The following EP400 variants were observed in gnomAD, a reference collection of about 807,000 sequenced individuals.
EP400 encodes the protein E1A-binding protein p400.
In EP400, 105 loss-of-function variants were observed where a neutral mutation model predicts 354.1. The ratio of observed to expected loss-of-function variants is 0.30; its 90% CI spans 0.25 to 0.35. The LOEUF is 0.35. EP400 is among the 10% of genes least tolerant of loss of function. The pLI, the probability that EP400 is intolerant of heterozygous loss-of-function variation, is 1.00. For missense variants in EP400, 3,280 were observed against 4,121.0 expected (o/e 0.80, Z 5.59); for synonymous variants, 1,646 against 1,716.9 (o/e 0.96, Z 1.02).
In EP400 at chr12:132,064,994, G is replaced by A. The variant is rs923575416; in HGVS notation, c.8553+108G>A. 19 of 1,473,468 alleles carry A rather than the reference G, an allele frequency of 1.3e-5. No individual in the cohort carries two copies. In the African/African-American group the frequency reaches 2.4e-4, roughly 19 times the overall value. The allele number at this position is 1,473,468 out of a possible 1,614,324, so 91.3% of individuals were successfully genotyped here. Reference sequence around the variant, plus strand: ...TCACGTGTTACAGGAGTGAGTGTGAGACGGGTTCTTTTCCCCGAGAACTTA... The same window carrying A: ...TCACGTGTTACAGGAGTGAGTGTGAAACGGGTTCTTTTCCCCGAGAACTTA... On this transcript the variant is annotated intron_variant, in intron 48 of 52. Transcript: ENST00000389561.
At chr12:132,012,332 G>A (rs966560863) in intron 16 of EP400, among the ~76,000 whole-genome samples, 2 of 152,230 alleles carry the variant, frequency 1.3e-5, no homozygotes, top group South Asian at 4.1e-4. Context: ...TGAAGTCCAA[G>A]ATCCAGATGC....
Position 132,017,455 on chromosome 12 carries a change from G to C in EP400, c.3924-80G>C, listed in dbSNP as rs1210327549. 1 of 1,479,102 alleles carries C rather than the reference G, an allele frequency of 6.8e-7. No individual in the cohort carries two copies. Among genetic ancestry groups the C allele is most frequent in the East Asian group, 2.3e-5 (1 of 42,722 alleles). The allele number at this position is 1,479,102 out of a possible 1,614,324, so 91.6% of individuals were successfully genotyped here. A position where few individuals can be genotyped will look rare whatever the true frequency, so the allele number is the denominator to read the frequency against. On this transcript the variant is annotated intron_variant, in intron 19 of 52. Coordinates refer to ENST00000389561, the MANE Select transcript of EP400 (RefSeq NM_015409.5). This position sits in a 1 kb window ranked among gnomAD's most constrained non-coding sequence, Gnocchi z 5.0. ...TGCTCCTGCCTGCCTTTCTGGAGTT[G>C]GGACAGTCGATGGTGAGGGTGGGAC...
intron 15 of EP400, among the ~76,000 whole-genome samples, chr12:132,009,733 C>T (rs1275934939): frequency 2.6e-5 from 4 of 152,052 alleles, no homozygotes; most frequent in South Asian, 2.1e-4. Context: ...GATCATGGCT[C>T]ACTGCAGCCT....
At position 131,962,232 on chromosome 12, in the gene EP400, A is replaced by G. The variant is rs563173507; in HGVS notation, c.1335+278A>G. Among the ~76,000 whole-genome samples the G allele has an allele frequency of 4.6e-5, 7 of 152,312 alleles. No individual in the cohort carries two copies. In the South Asian group the frequency reaches 1.5e-3, roughly 32 times the overall value. On this transcript the variant is annotated intron_variant, in intron 2 of 52. Coordinates refer to ENST00000389561, the MANE Select transcript of EP400 (RefSeq NM_015409.5). ...CACCCAGTGTTTTCATTGAGCACCA[A>G]GGATTCATCTCAGGTTCAGAGAACT...
At chr12:131,971,424 A>G (rs563107789) in intron 2 of EP400, among the ~76,000 whole-genome samples, 4 of 152,302 alleles carry the variant, frequency 2.6e-5, no homozygotes, top group Admixed American at 1.3e-4. Context: ...GCTGTTGTGA[A>G]CAGTGCTGCA....
At position 132,067,199 on chromosome 12, in the gene EP400, G is replaced by A; in HGVS notation, c.8750-163G>A. 1 of 1,220,304 alleles carries A rather than the reference G, an allele frequency of 8.2e-7. No individual in the cohort carries two copies. The highest frequency in any genetic ancestry group is 1.1e-6 in the Non-Finnish European group (1 of 879,154). The allele number at this position is 1,220,304 out of a possible 1,614,324, so 75.6% of individuals were successfully genotyped here. Reference sequence around the variant, plus strand: ...CCGTCTTAATTTAAGTGTAATTTGTGAACCCAGAAACATTTTAATGTAGTT... The same window carrying A: ...CCGTCTTAATTTAAGTGTAATTTGTAAACCCAGAAACATTTTAATGTAGTT... On this transcript the variant is annotated intron_variant, in intron 49 of 52. Transcript: ENST00000389561. The surrounding 1 kb of genome is among the most constrained non-coding windows in gnomAD (Gnocchi z 5.3).
intron 15 of EP400, among the ~76,000 whole-genome samples, chr12:132,007,523 C>T (rs1350048565): frequency 6.6e-6 from 1 of 152,014 alleles, no homozygotes; most frequent in Non-Finnish European, 1.5e-5. Flanking sequence ...TTGTTCACTC[C>T]CCTTCCTCTC....
At position 131,961,929 on chromosome 12, in the gene EP400, A is replaced by G. The variant is rs770990188; in HGVS notation, c.1310A>G (p.Glu437Gly). ...EEEEEEEEEEEKSEVINDEQQ... is the reference protein window; with the variant it reads ...EEEEEEEEEEGKSEVINDEQQ... ...GAGGAGGAGGAGGAAGAGGAGGAAG[A>G]AAAATCTGAGGTTATCAATGACGAG... is the stretch of plus-strand genomic sequence containing the variant. The change falls in exon 2 of 53, where the codon GAA becomes GGA. Residue 437 changes from glutamate (E) to glycine (G), a missense_variant. This residue lies in a region of EP400 where 800 missense variants were observed against 840.0 expected (regional missense o/e 0.95). Transcript: ENST00000389561. 1 of 1,613,032 alleles carries G rather than the reference A, an allele frequency of 6.2e-7. No individual in the cohort carries two copies. The highest frequency in any genetic ancestry group is 2.2e-5 in the East Asian group (1 of 44,876).
rs544876282 is a variant in EP400, at chr12:132,059,497, G to A, written c.7885-2613G>A. Among the ~76,000 whole-genome samples the A allele has an allele frequency of 5.1e-4, 77 of 152,346 alleles. No individual in the cohort carries two copies. The South Asian group carries it at 0.015, about 30-fold the overall frequency. On this transcript the variant is annotated intron_variant, in intron 45 of 52. Transcript: ENST00000389561. Reference sequence around the variant, plus strand: ...GCTTCAGTGGGCATGTTCCTGGGCAGCTGACCTGGAGCAAATGCAGATTCT... The same window carrying A: ...GCTTCAGTGGGCATGTTCCTGGGCAACTGACCTGGAGCAAATGCAGATTCT...
At position 132,062,296 on chromosome 12, in the gene EP400, C is replaced by G; in HGVS notation, c.8071C>G (p.Arg2691Gly). 6.2e-7 allele frequency: 1 copy of G among 1,614,196 alleles called. No homozygotes were observed. Among genetic ancestry groups the G allele is most frequent in the Non-Finnish European group, 8.5e-7 (1 of 1,180,032 alleles). ...TNLTPVQTPA[R>G]SLVPQVSQAT... ...CCTGACCCCAGTGCAGACCCCGGCA[C>G]GGTCTTTGGTGCCCCAAGTGTCCCA... Residue 2691 changes from arginine (R) to glycine (G), a missense_variant, in exon 46 of 53, where the codon CGG becomes GGG. Arg to Gly is a moderately radical substitution (Grantham distance 125, BLOSUM62 -2). Around this residue, in one of 20 missense-constraint regions of EP400, gnomAD observed 255 missense variants for 295.9 expected, o/e 0.86. Transcript: ENST00000389561.
chr12:132,000,478 T>A (rs939813752), intron 12 of EP400, among the ~76,000 whole-genome samples: 5 of 152,232 alleles, frequency 3.3e-5, no homozygotes, highest in African/African-American at 1.2e-4. Flanking sequence ...AGGTAGAACT[T>A]GTTGATTGCA....
In EP400 at chr12:132,055,103, C is replaced by T. The variant is rs749457156; in HGVS notation, c.7779C>T (p.Ala2593=). The T allele has an allele frequency of 2.4e-5, 39 of 1,613,666 alleles. No homozygotes were observed. Among genetic ancestry groups the T allele is most frequent in the East Asian group, 2.2e-4 (10 of 44,878 alleles). ...SVTGTSMPTG[A]VSGNVIVNTI... The stretch of plus-strand genomic sequence containing the variant: ...TATGCCCGCCTGTCTCCGCAGGTGC[C>T]GTGAGTGGAAATGTGATCGTGAACA... The change falls in exon 45 of 53, where the codon GCC becomes GCT. Residue 2593 remains alanine, a synonymous_variant. Coordinates refer to ENST00000389561, the MANE Select transcript of EP400 (RefSeq NM_015409.5).
At chr12:132,069,139 G>A (rs111855066) in intron 50 of EP400, 11 of 250,754 alleles carry the variant, frequency 4.4e-5, no homozygotes, top group Non-Finnish European at 6.9e-5. Context: ...GGATTTGAGA[G>A]ATTGTGATCG....
At chr12:132,065,688 AC>A (rs1308009725) in intron 48 of EP400, 1 of 152,220 alleles carries the variant, frequency 6.6e-6, no homozygotes, top group African/African-American at 2.4e-5. Context: ...TGGGTGCTGG[AC>A]CCCCACTTTG....
intron 10 of EP400, 118 bp from the exon 11 acceptor site, chr12:131,992,055 G>A (rs1242611808): frequency 9.9e-6 from 10 of 1,014,748 alleles, no homozygotes; most frequent in Admixed American, 5.3e-5. Context: ...GAGGCTGAGG[G>A]CAGCCTAGCA....
chr12:132,039,930 C>G (rs534019568), intron 32 of EP400, among the ~76,000 whole-genome samples: 1 of 152,302 alleles, frequency 6.6e-6, no homozygotes, highest in East Asian at 1.9e-4. Context: ...GTCCCAGCTA[C>G]TGGGGTGGCT....
At position 132,078,879 on chromosome 12, in the gene EP400, A is replaced by G. The variant is rs563543681; in HGVS notation, c.*1206A>G. ...TGCTACTGTTTTTCCTTTTTTTACT[A>G]TGACAGGAAAATAAATGCAATTTTA... On this transcript the variant is annotated 3_prime_UTR_variant, in exon 53 of 53. Transcript: ENST00000389561. 8.3e-4 allele frequency: 127 copies of G among 152,284 alleles called. 1 individual carries two copies. The highest frequency in any genetic ancestry group is 3.0e-3 in the African/African-American group (123 of 41,562). 9.4% of individuals were successfully genotyped at this position (152,284 alleles called of 1,614,324 possible). A position where few individuals can be genotyped will look rare whatever the true frequency, so the allele number is the denominator to read the frequency against.
At chr12:132,059,601 A>C (rs1895621297) in intron 45 of EP400, among the ~76,000 whole-genome samples, 1 of 152,228 alleles carries the variant, frequency 6.6e-6, no homozygotes, top group South Asian at 2.1e-4. Context: ...AATACAATAG[A>C]ATACAAAATA....
Position 132,053,167 on chromosome 12 carries a change from G to A in EP400, c.7416G>A (p.Pro2472=), listed in dbSNP as rs141540187. The change falls in exon 42 of 53, where the codon CCG becomes CCA. Residue 2472 remains proline, a synonymous_variant. Transcript: ENST00000389561. Reference sequence around the variant, plus strand: ...TCAGTGGAATCAACTATGACAAGCCGCTGCCTCCCATCCAGGTGGCATCTC... The same window carrying A: ...TCAGTGGAATCAACTATGACAAGCCACTGCCTCCCATCCAGGTGGCATCTC... The part of the protein sequence containing the change: ...LAESGINYDK[P]LPPIQVASLR... The A allele has an allele frequency of 1.4e-4, 228 of 1,613,992 alleles. No individual in the cohort carries two copies. In the African/African-American group the frequency reaches 2.7e-3, roughly 19 times the overall value.
Sources: allele counts gnomAD v4.1 joint callset (sites outside exome capture counted in the v4.1 genomes callset), GRCh38; gene constraint gnomAD v4.1.1; regional missense constraint gnomAD v4.1.1; non-coding constraint Gnocchi (gnomAD v3.1); transcripts MANE v1.5; gene names NCBI Gene and HGNC (gene_info 2026-07-23, HGNC 2026-07-21).